The following MARCHF1 variants were observed in gnomAD, a reference collection of about 807,000 sequenced individuals.
MARCHF1 encodes the protein membrane associated ring-CH-type finger 1, also known as E3 ubiquitin-protein ligase MARCHF1.
A neutral mutation model predicts 54.2 loss-of-function variants in MARCHF1; 40 were observed. The observed-to-expected ratio is 0.74, with a 90% confidence interval of 0.57 to 0.96. The LOEUF (loss-of-function observed/expected upper bound fraction) is 0.96, where lower values mean the gene tolerates loss of function less well. MARCHF1 is among the 40% of genes least tolerant of loss of function. The pLI, the probability that MARCHF1 is intolerant of heterozygous loss-of-function variation, is 0.00. For synonymous variants in MARCHF1, 236 were observed against 236.3 expected (o/e 1.00, Z 0.01); for missense variants, 586 against 656.5 (o/e 0.89, Z 1.17).
intron 3 of MARCHF1, among the ~76,000 whole-genome samples, chr4:163,914,626 C>A (rs4321595): frequency 1.3e-5 from 2 of 151,938 alleles, no homozygotes; most frequent in Admixed American, 1.3e-4. Context: ...ACAACATCCT[C>A]CCAAGTACAA....
chr4:163,825,610 T>G (rs1337782574), intron 4 of MARCHF1, among the ~76,000 whole-genome samples: 1 of 152,062 alleles, frequency 6.6e-6, no homozygotes, highest in Non-Finnish European at 1.5e-5. Flanking sequence ...CATCTGCTAC[T>G]TTTTTACCTT....
chr4:163,630,353 A>T (rs1213370798), intron 5 of MARCHF1, among the ~76,000 whole-genome samples: 2 of 152,348 alleles, frequency 1.3e-5, no homozygotes, highest in Non-Finnish European at 2.9e-5. Context: ...TACAAGCATC[A>T]TTCTATTTAT....
intron 3 of MARCHF1, among the ~76,000 whole-genome samples, chr4:163,914,114 A>G (rs1182702292): frequency 6.6e-6 from 1 of 152,024 alleles, no homozygotes; most frequent in Non-Finnish European, 1.5e-5. Flanking sequence ...TAGAGAGTAT[A>G]GCTTCAAAAA....
chr4:164,184,767 G>A (rs1050677498), intron 1 of MARCHF1, among the ~76,000 whole-genome samples: 1 of 152,170 alleles, frequency 6.6e-6, no homozygotes, highest in Non-Finnish European at 1.5e-5. Context: ...ACCTGTCCTT[G>A]TAGTCTCAGC....
intron 1 of MARCHF1, among the ~76,000 whole-genome samples, chr4:164,362,453 C>T (rs980172820): frequency 1.3e-5 from 2 of 151,920 alleles, no homozygotes; most frequent in Admixed American, 6.6e-5. Context: ...AGATCAGGGC[C>T]ATACAGGGAG....
intron 1 of MARCHF1, among the ~76,000 whole-genome samples, chr4:164,250,333 T>C (rs1417107451): frequency 6.6e-6 from 1 of 152,068 alleles, no homozygotes; most frequent in Non-Finnish European, 1.5e-5. Context: ...AACTGTTACA[T>C]CTCAAGGATT....
At chr4:164,080,847 G>A (rs984280318) in intron 2 of MARCHF1, among the ~76,000 whole-genome samples, 1 of 151,992 alleles carries the variant, frequency 6.6e-6, no homozygotes, top group Non-Finnish European at 1.5e-5. Flanking sequence ...AGTCAATCCA[G>A]TTATTCTTGG....
intron 1 of MARCHF1, among the ~76,000 whole-genome samples, chr4:164,315,007 A>T (rs1734958677): frequency 1.3e-5 from 2 of 152,168 alleles, no homozygotes; most frequent in South Asian, 4.1e-4. Flanking sequence ...CTTGCCAGGT[A>T]AATGTCAAAC....
chr4:164,329,945 CTG>C (rs915850281), intron 1 of MARCHF1: 3 of 152,256 alleles, frequency 2.0e-5, no homozygotes, highest in Non-Finnish European at 4.4e-5. Flanking sequence ...CAGAGGGTCT[CTG>C]TGTTTCTTGA....
chr4:164,262,210 G>T (rs185361085), intron 1 of MARCHF1, among the ~76,000 whole-genome samples: 1 of 152,076 alleles, frequency 6.6e-6, no homozygotes, highest in East Asian at 1.9e-4. Flanking sequence ...AGCCTGATAG[G>T]GAGAAGATGC....
intron 5 of MARCHF1, among the ~76,000 whole-genome samples, chr4:163,655,247 T>C (rs1423398571): frequency 6.6e-6 from 1 of 151,786 alleles, no homozygotes; most frequent in African/African-American, 2.4e-5. Flanking sequence ...TTGTATTTCA[T>C]GACATTTCGT....
intron 5 of MARCHF1, among the ~76,000 whole-genome samples, chr4:163,654,044 A>T (rs1050808257): frequency 2.0e-5 from 3 of 151,748 alleles, no homozygotes; most frequent in African/African-American, 7.2e-5. Flanking sequence ...ATGAATAGAA[A>T]TCAGTCTGGT....
At chr4:164,190,182 T>C in intron 1 of MARCHF1, 2 of 1,569,988 alleles carry the variant, frequency 1.3e-6, no homozygotes, top group Non-Finnish European at 1.7e-6. Flanking sequence ...AAAGATTGAA[T>C]GGCTGGAAAG....
At chr4:163,548,386 A>ACTT (rs3080978) in intron 8 of MARCHF1, among the ~76,000 whole-genome samples, 89,994 of 151,678 alleles carry the variant, frequency 0.59, 26,955 homozygotes, top group Admixed American at 0.7. Context: ...TAAAATTGGG[A>ACTT]CTTCTATCTA....
intron 7 of MARCHF1, among the ~76,000 whole-genome samples, chr4:163,609,549 T>C (rs1031017709): frequency 6.6e-6 from 1 of 151,944 alleles, no homozygotes; most frequent in Non-Finnish European, 1.5e-5. Context: ...TCAGAGACAC[T>C]GGTGACTACA....
rs1487617358 is a variant in MARCHF1, at chr4:163,528,925, G to C, written c.1461C>G (p.Ala487=). 3.1e-6 allele frequency: 5 copies of C among 1,613,230 alleles called. No homozygotes were observed. Among genetic ancestry groups the C allele is most frequent in the Non-Finnish European group, 4.2e-6 (5 of 1,179,570 alleles). ...TTTGTACAAAGATCACACGGTTGTA[G>C]GCCTTCAGCCTGCGCCACAACTGAA... ...VYVQLWRRLK[A]YNRVIFVQNC... is the part of the protein sequence containing the mutation. Residue 487 remains alanine, a synonymous_variant, in exon 10 of 10, where the codon GCC becomes GCG. Coordinates refer to ENST00000514618, the MANE Select transcript of MARCHF1 (RefSeq NM_001394959.1).
chr4:164,174,545 G>C (rs1188348687), intron 1 of MARCHF1, among the ~76,000 whole-genome samples: 1 of 152,164 alleles, frequency 6.6e-6, no homozygotes, highest in Admixed American at 6.5e-5. Context: ...AAGGCTGGAG[G>C]AGCAGTTCAA....
rs1228525398 is a variant in MARCHF1, at chr4:164,224,869, T to A, written c.-322-113207A>T. ...AAAAAGGAGAAAGAGAAACACGCTT[T>A]GATGCTGAGTTTTTCTTTGTGTGGT... On this transcript the variant is annotated intron_variant, in intron 1 of 9. Coordinates refer to ENST00000514618, the MANE Select transcript of MARCHF1 (RefSeq NM_001394959.1). 2.0e-5 allele frequency among the ~76,000 whole-genome samples: 3 copies of A among 152,196 alleles called. No homozygotes were observed. The East Asian group carries it at 5.8e-4, about 29-fold the overall frequency.
In MARCHF1 at chr4:164,159,508, A is replaced by G. The variant is rs372910442; in HGVS notation, c.-322-47846T>C. Among the ~76,000 whole-genome samples the G allele has an allele frequency of 1.4e-4, 21 of 152,276 alleles. 1 individual carries two copies. The East Asian group carries it at 3.9e-3, about 28-fold the overall frequency. The stretch of plus-strand genomic sequence containing the variant: ...AACCAAAAAAATGAATGAATTCACT[A>G]GAATTCTGTTACTGTACTTTACTTG... On this transcript the variant is annotated intron_variant, in intron 1 of 9. Transcript: ENST00000514618.
Sources: gnomAD v4.1 joint callset for allele counts (sites outside exome capture counted in the v4.1 genomes callset) on GRCh38, gnomAD v4.1.1 for gene constraint, MANE v1.5 for transcripts, NCBI Gene and HGNC (gene_info 2026-07-23, HGNC 2026-07-21) for gene names.